NT5DC1: variants seen among roughly 807,000 people sequenced by gnomAD.
The protein encoded by NT5DC1 is 5'-nucleotidase domain-containing protein 1.
Under a neutral mutation model 59.4 loss-of-function variants are expected in NT5DC1, and 42 were observed. The ratio of observed to expected loss-of-function variants is 0.71; its 90% CI spans 0.55 to 0.92. The LOEUF is 0.92. NT5DC1 is among the 40% of genes least tolerant of loss of function. NT5DC1 has a pLI of 0.00. For missense variants in NT5DC1, 501 were observed against 537.1 expected, an observed-to-expected ratio of 0.93 and a Z score of 0.66; for synonymous variants, 172 against 188.1, an observed-to-expected ratio of 0.91 and a Z score of 0.70.
intron 6 of NT5DC1, among the ~76,000 whole-genome samples, chr6:116,159,997 T>C (rs1023834543): frequency 6.6e-6 from 1 of 152,226 alleles, no homozygotes; most frequent in Admixed American, 6.5e-5. Context: ...TACCACATTT[T>C]TTTTATTCCA....
chr6:116,160,958 T>C (rs1780313158), intron 6 of NT5DC1, among the ~76,000 whole-genome samples: 1 of 151,778 alleles, frequency 6.6e-6, no homozygotes, highest in East Asian at 1.9e-4. Flanking sequence ...CCAACAATGA[T>C]AGACTGGATT....
chr6:116,229,484 G>A (rs1239111473), intron 8 of NT5DC1, among the ~76,000 whole-genome samples: 2 of 152,172 alleles, frequency 1.3e-5, no homozygotes, highest in African/African-American at 4.8e-5. Context: ...AGATGCTGAT[G>A]CCAGTGTCAG....
chr6:116,144,472 G>A (rs1582832094), intron 6 of NT5DC1, among the ~76,000 whole-genome samples: 1 of 151,432 alleles, frequency 6.6e-6, no homozygotes, highest in East Asian at 1.9e-4. Flanking sequence ...CTGCACTCCA[G>A]CCTGATGACA....
At chr6:116,217,803 G>A (rs995844987) in intron 6 of NT5DC1, among the ~76,000 whole-genome samples, 4 of 151,978 alleles carry the variant, frequency 2.6e-5, no homozygotes, top group African/African-American at 9.7e-5. Context: ...TAGTTTCTTT[G>A]GGGGATATAA....
At chr6:116,149,836 G>T (rs2114392833) in intron 6 of NT5DC1, among the ~76,000 whole-genome samples, 1 of 152,308 alleles carries the variant, frequency 6.6e-6, no homozygotes, top group South Asian at 2.1e-4. Context: ...TTCTTTAGAG[G>T]TGAGGAAATT....
At chr6:116,189,184 G>A (rs1781067415) in intron 6 of NT5DC1, among the ~76,000 whole-genome samples, 1 of 151,478 alleles carries the variant, frequency 6.6e-6, no homozygotes, top group Non-Finnish European at 1.5e-5. Flanking sequence ...GACCACTCTT[G>A]AGAAATTTAT....
intron 6 of NT5DC1, among the ~76,000 whole-genome samples, chr6:116,178,859 A>G (rs1257508710): frequency 3.3e-5 from 5 of 152,212 alleles, no homozygotes; most frequent in Non-Finnish European, 7.3e-5. Flanking sequence ...TGTTTGCCTT[A>G]TAAAAATCTT....
chr6:116,132,242 T>C (rs775672596), intron 6 of NT5DC1, among the ~76,000 whole-genome samples: 2 of 152,200 alleles, frequency 1.3e-5, no homozygotes, highest in Non-Finnish European at 2.9e-5. Context: ...GTTGTTTAGA[T>C]TTTGTTGAAC....
intron 6 of NT5DC1, chr6:116,121,383 G>A: frequency 6.2e-7 from 1 of 1,614,088 alleles, no homozygotes; most frequent in Non-Finnish European, 8.5e-7. Flanking sequence ...GGGCCAATTG[G>A]TCCCATTTCT....
intron 6 of NT5DC1, chr6:116,121,238 G>A: frequency 6.2e-7 from 1 of 1,613,722 alleles, no homozygotes; most frequent in Non-Finnish European, 8.5e-7. Context: ...AGGAGGCCCT[G>A]GGGGCCCAGC....
intron 6 of NT5DC1, among the ~76,000 whole-genome samples, chr6:116,190,949 A>G (rs1421455251): frequency 6.6e-6 from 1 of 151,980 alleles, no homozygotes; most frequent in East Asian, 1.9e-4. Flanking sequence ...GGTATTCCAG[A>G]ACTGGAAAAG....
chr6:116,169,396 C>G lies in NT5DC1; in HGVS notation c.529+51451C>G, dbSNP rs150743865. Among the ~76,000 whole-genome samples the G allele has an allele frequency of 8.7e-4, 132 of 152,238 alleles. 1 individual carries two copies. The highest frequency in any genetic ancestry group is 3.4e-3 in the Middle Eastern group (1 of 294). On this transcript the variant is annotated intron_variant, in intron 6 of 11. Transcript: ENST00000319550. Reference sequence around the variant, plus strand: ...TATAGTTTCCAGTTTATGACTGTTACAATATTTTGTGTCTATGCTTACTAT... The same window carrying G: ...TATAGTTTCCAGTTTATGACTGTTAGAATATTTTGTGTCTATGCTTACTAT...
chr6:116,142,162 A>G (rs1582830501), intron 6 of NT5DC1, among the ~76,000 whole-genome samples: 1 of 152,210 alleles, frequency 6.6e-6, no homozygotes, highest in East Asian at 1.9e-4. Flanking sequence ...TAATATATGA[A>G]ACTAATATTA....
chr6:116,124,144 T>G (rs2114303045), intron 6 of NT5DC1, among the ~76,000 whole-genome samples: 1 of 152,274 alleles, frequency 6.6e-6, no homozygotes, highest in Non-Finnish European at 1.5e-5. Flanking sequence ...TTAAGTTTCC[T>G]TTTGTGAAAT....
chr6:116,154,276 A>G (rs1222991324), intron 6 of NT5DC1, among the ~76,000 whole-genome samples: 1 of 152,226 alleles, frequency 6.6e-6, no homozygotes, highest in Non-Finnish European at 1.5e-5. Flanking sequence ...AAACATCAAC[A>G]TAGCTGGAGT....
chr6:116,173,834 G>A (rs1562150453), intron 6 of NT5DC1, among the ~76,000 whole-genome samples: 1 of 151,958 alleles, frequency 6.6e-6, no homozygotes, highest in Non-Finnish European at 1.5e-5. Flanking sequence ...ACCAACATTG[G>A]CACATTCCTA....
chr6:116,116,938 G>A (rs1225833651), intron 5 of NT5DC1, among the ~76,000 whole-genome samples: 1 of 152,110 alleles, frequency 6.6e-6, no homozygotes, highest in Non-Finnish European at 1.5e-5. Context: ...AAGGATCATA[G>A]GGTTGTATAT....
intron 6 of NT5DC1, among the ~76,000 whole-genome samples, chr6:116,203,701 A>T (rs1010709994): frequency 6.6e-6 from 1 of 151,904 alleles, no homozygotes; most frequent in Non-Finnish European, 1.5e-5. Flanking sequence ...TGTGATTTTC[A>T]TGCCTATTTA....
intron 6 of NT5DC1, among the ~76,000 whole-genome samples, chr6:116,152,976 C>T (rs1780086956): frequency 6.6e-6 from 1 of 151,994 alleles, no homozygotes; most frequent in African/African-American, 2.4e-5. Context: ...TAATAAAATA[C>T]AGAGGAATGA....
Sources: gnomAD v4.1 joint callset for allele counts (sites outside exome capture counted in the v4.1 genomes callset) on GRCh38, gnomAD v4.1.1 for gene constraint, MANE v1.5 for transcripts, NCBI Gene and HGNC (gene_info 2026-07-23, HGNC 2026-07-21) for gene names.